The following TRUB2 variants were observed in gnomAD, a reference collection of about 807,000 sequenced individuals.
The protein encoded by TRUB2 is pseudouridylate synthase TRUB2, mitochondrial.
TRUB2 carries 31 observed loss-of-function variants against 31.9 expected under a neutral mutation model. The observed-to-expected ratio is 0.97, with a 90% CI of 0.73 to 1.31. The LOEUF is 1.31. TRUB2 is among the 50% of genes most tolerant of loss of function. The pLI, the probability that TRUB2 is intolerant of heterozygous loss-of-function variation, is 0.00. For missense variants in TRUB2, 451 were observed against 439.6 expected, an observed-to-expected ratio of 1.03 and a Z score of -0.23; for synonymous variants, 201 against 182.6, an observed-to-expected ratio of 1.10 and a Z score of -0.81.
intron 7 of TRUB2, 45 bp downstream of exon 7, chr9:128,310,842 C>G: frequency 6.2e-7 from 1 of 1,610,460 alleles, no homozygotes; most frequent in Non-Finnish European, 8.5e-7. Flanking sequence ...GACTCCCAAA[C>G]CTACGGGTCC....
rs146331654 is a variant in TRUB2, at chr9:128,309,687, T to C, written c.859A>G (p.Thr287Ala). 7.4e-6 allele frequency: 12 copies of C among 1,614,012 alleles called. No individual in the cohort carries two copies. In the African/African-American group the frequency reaches 1.3e-4, roughly 18 times the overall value. The stretch of plus-strand genomic sequence containing the variant: ...TCCAGCTCTGCAGCTACCTGAGGGG[T>C]AGCAGCCCGGATAGCATCCTGGATG... ...TNIQDAIRAA[T>A]PQVAAELEKS... The change falls in exon 8 of 8, where the codon ACC becomes GCC. Residue 287 changes from threonine to alanine, a missense_variant. Transcript: ENST00000372890.
chr9:128,309,914 C>A, intron 7 of TRUB2, 39 bp from the exon 8 acceptor site: 1 of 1,596,454 alleles, frequency 6.3e-7, no homozygotes, highest in South Asian at 1.1e-5. Context: ...GTGGTGAGAG[C>A]ACAGCCTCTA....
Position 128,311,017 on chromosome 9 carries a change from G to A in TRUB2, c.540C>T (p.Ser180=). 1 of 1,613,906 alleles carries A rather than the reference G, an allele frequency of 6.2e-7. No homozygotes were observed. Among genetic ancestry groups the A allele is most frequent in the Non-Finnish European group, 8.5e-7 (1 of 1,179,904 alleles). ...GSHQKALVMY[S]NLDLKTQEAY... is the part of the protein sequence containing the mutation. ...CCTCCTGGGTCTTCAGGTCGAGGTT[G>A]GAGTACCTGCAGATCAGGAAGGGGG... Residue 180 remains serine, a synonymous_variant, in exon 7 of 8, where the codon TCC becomes TCT. Transcript: ENST00000372890.
rs748614004 is a variant in TRUB2 at position 128,309,690 on chromosome 9, C to G, written c.856G>C (p.Ala286Pro). The G allele has an allele frequency of 3.4e-5, 55 of 1,614,116 alleles. No homozygotes were observed. The highest frequency in any genetic ancestry group is 6.7e-5 in the Admixed American group (4 of 60,004). ...LTNIQDAIRA[A>P]TPQVAAELEK... ...AGCTCTGCAGCTACCTGAGGGGTAG[C>G]AGCCCGGATAGCATCCTGGATGTTG... Residue 286 changes from alanine to proline, a missense_variant, in exon 8 of 8, where the codon GCT becomes CCT. Coordinates refer to ENST00000372890, the MANE Select transcript of TRUB2 (RefSeq NM_015679.3).
chr9:128,313,274 C>T (rs1832006498), intron 5 of TRUB2, among the ~76,000 whole-genome samples: 1 of 136,190 alleles, frequency 7.3e-6, no homozygotes, highest in African/African-American at 2.5e-5. Flanking sequence ...TGCCTGTAAT[C>T]CCAGCACTTT....
In TRUB2 at chr9:128,311,263, A is replaced by G. The variant is rs946356660; in HGVS notation, c.534-240T>C. On this transcript the variant is annotated intron_variant, in intron 6 of 7. Coordinates refer to ENST00000372890, the MANE Select transcript of TRUB2 (RefSeq NM_015679.3). ...TCTTGCCCTTGGGCTCTGTGCTCCA[A>G]TGATGTGGTCCCTGGTTTCCTTGCC... 27 of 625,104 alleles carry G rather than the reference A, an allele frequency of 4.3e-5. No individual in the cohort carries two copies. The East Asian group carries it at 4.4e-4, about 10-fold the overall frequency. 38.7% of individuals were successfully genotyped at this position (625,104 alleles called of 1,614,324 possible). A position where few individuals can be genotyped will look rare whatever the true frequency, so the allele number is the denominator to read the frequency against.
chr9:128,319,093 G>A (rs1175918965), intron 2 of TRUB2, among the ~76,000 whole-genome samples: 3 of 151,938 alleles, frequency 2.0e-5, no homozygotes, highest in South Asian at 2.1e-4. Flanking sequence ...TTGGGAGGCC[G>A]AGGCGGGTGG....
intron 5 of TRUB2, 30 bp downstream of exon 5, chr9:128,313,778 G>A: frequency 6.2e-7 from 1 of 1,606,248 alleles, no homozygotes; most frequent in Non-Finnish European, 8.5e-7. Context: ...AATGCGGAGG[G>A]AGGCAGCGGC....
At position 128,315,600 on chromosome 9, in the gene TRUB2, G is replaced by A. The variant is rs548857483; in HGVS notation, c.345C>T (p.Leu115=). 5.1e-5 allele frequency: 82 copies of A among 1,613,646 alleles called. No homozygotes were observed. In the East Asian group the frequency reaches 1.7e-3, roughly 34 times the overall value. ...LVLGVGHGCR[L]LTDMYNAHLT... is the part of the protein sequence containing the mutation. Reference sequence around the variant, plus strand: ...GATGAGCATTGTACATATCGGTGAGGAGCCTGCATCCATGTCCCACGCCGA... The same window carrying A: ...GATGAGCATTGTACATATCGGTGAGAAGCCTGCATCCATGTCCCACGCCGA... The change falls in exon 4 of 8, where the codon CTC becomes CTT. Residue 115 remains leucine (L), a synonymous_variant. Transcript: ENST00000372890.
At chr9:128,316,320 G>A (rs1832067882) in intron 3 of TRUB2, 1 of 152,140 alleles carries the variant, frequency 6.6e-6, no homozygotes, top group Non-Finnish European at 1.5e-5. Flanking sequence ...TTGAACCCAG[G>A]AGGCGGAGGT....
chr9:128,321,237 T>TCAC (rs1832167987), intron 2 of TRUB2, among the ~76,000 whole-genome samples: 2 of 152,222 alleles, frequency 1.3e-5, no homozygotes, highest in Non-Finnish European at 2.9e-5. Context: ...TCATGGGATG[T>TCAC]GGAACTCATG....
chr9:128,310,746 T>C (rs1309072527), intron 7 of TRUB2, 141 bp downstream of exon 7: 2 of 1,172,252 alleles, frequency 1.7e-6, no homozygotes, highest in African/African-American at 1.5e-5. Context: ...CGGCACCTGA[T>C]GCCTTGGCCC....
At chr9:128,322,210 C>G (rs1418406557) in intron 1 of TRUB2, 90 bp downstream of exon 1, 1 of 1,079,770 alleles carries the variant, frequency 9.3e-7, no homozygotes, top group Non-Finnish European at 1.4e-6. Flanking sequence ...GAATAGGTCA[C>G]GTGATTTTGT....
chr9:128,319,353 T>C (rs1377479938), intron 2 of TRUB2, among the ~76,000 whole-genome samples: 13 of 148,582 alleles, frequency 8.7e-5, no homozygotes, highest in South Asian at 2.1e-4. Context: ...TAGCCAGGCA[T>C]AGTGGCCTGT....
rs1331041786 is a variant in TRUB2 at position 128,309,535 on chromosome 9, G to T, written c.*15C>A. 1.3e-6 allele frequency: 2 copies of T among 1,597,734 alleles called. No individual in the cohort carries two copies. Among genetic ancestry groups the T allele is most frequent in the East Asian group, 4.5e-5 (2 of 44,494 alleles). The stretch of plus-strand genomic sequence containing the variant: ...TCTATTTATCCATCCACTGCCCCAG[G>T]AGCTGCCTGGGCATTCACTGCCCCG... On this transcript the variant is annotated 3_prime_UTR_variant, in exon 8 of 8. Coordinates refer to ENST00000372890, the MANE Select transcript of TRUB2 (RefSeq NM_015679.3).
Position 128,310,919 on chromosome 9 carries a change from C to A in TRUB2, c.638G>T (p.Cys213Phe). Reference sequence around the variant, plus strand: ...GAATTCCGGAGGTGCAAAGTAGAGGCATCGGATGCCAGTTATCAGCATCGG... The same window carrying A: ...GAATTCCGGAGGTGCAAAGTAGAGGAATCGGATGCCAGTTATCAGCATCGG... ...KSPMLITGIRCLYFAPPEFLL... is the reference protein window; with the variant it reads ...KSPMLITGIRFLYFAPPEFLL... The change falls in exon 7 of 8, where the codon TGC (cysteine) becomes TTC (phenylalanine). Residue 213 changes from cysteine (C) to phenylalanine (F), a missense_variant. Cys to Phe is a radical substitution (Grantham distance 205). Coordinates refer to ENST00000372890, the MANE Select transcript of TRUB2 (RefSeq NM_015679.3). 1 of 1,614,234 alleles carries A rather than the reference C, an allele frequency of 6.2e-7. No individual in the cohort carries two copies. Among genetic ancestry groups the A allele is most frequent in the Non-Finnish European group, 8.5e-7 (1 of 1,180,040 alleles).
chr9:128,309,883 G>C lies in TRUB2; in HGVS notation c.671-8C>G, dbSNP rs777595357. ...CATGCATGCACTGCACCTCTGCCAG[G>C]GACACACAATGACAGACATGGTGGT... On this transcript the variant is annotated splice_polypyrimidine_tract_variant and splice_region_variant and intron_variant, in intron 7 of 7. Coordinates refer to ENST00000372890, the MANE Select transcript of TRUB2 (RefSeq NM_015679.3). 6.2e-7 allele frequency: 1 copy of C among 1,611,572 alleles called. No individual in the cohort carries two copies. The highest frequency in any genetic ancestry group is 1.7e-5 in the Admixed American group (1 of 59,918).
In TRUB2 at chr9:128,307,623, C is replaced by T. The variant is rs1831889068; in HGVS notation, c.*1927G>A. 6.6e-6 allele frequency: 1 copy of T among 151,696 alleles called. No individual in the cohort carries two copies. Among genetic ancestry groups the T allele is most frequent in the African/African-American group, 2.4e-5 (1 of 41,284 alleles). The allele number at this position is 151,696 out of a possible 1,614,324, so 9.4% of individuals were successfully genotyped here. A position where few individuals can be genotyped will look rare whatever the true frequency, so the allele number is the denominator to read the frequency against. Reference sequence around the variant, plus strand: ...GTGCACACCGGTAATCCCAGCAACTCTGGAGACTAAGGCAGGAAGAATCGC... The same window carrying T: ...GTGCACACCGGTAATCCCAGCAACTTTGGAGACTAAGGCAGGAAGAATCGC... On this transcript the variant is annotated 3_prime_UTR_variant, in exon 8 of 8. Transcript: ENST00000372890.
chr9:128,313,972 G>T, intron 4 of TRUB2, 83 bp from the exon 5 acceptor site: 1 of 1,273,590 alleles, frequency 7.9e-7, no homozygotes, highest in Non-Finnish European at 1.1e-6. Context: ...GGGGGTGGGG[G>T]GTCCTCAGGT....
Sources: allele counts gnomAD v4.1 joint callset (sites outside exome capture counted in the v4.1 genomes callset), GRCh38; gene constraint gnomAD v4.1.1; transcripts MANE v1.5; gene names NCBI Gene and HGNC (gene_info 2026-07-23, HGNC 2026-07-21).